The following DNAAF4 variants were observed in gnomAD, a reference collection of about 807,000 sequenced individuals.
The protein encoded by DNAAF4 is dynein axonemal assembly factor 4, also known as dynein assembly factor 4, axonemal.
A neutral mutation model predicts 51.8 loss-of-function variants in DNAAF4; 43 were observed. The observed-to-expected ratio is 0.83, with a 90% CI of 0.65 to 1.07. DNAAF4 has a LOEUF of 1.07. Among genes scored for constraint, DNAAF4 ranks in the 50% least tolerant of loss-of-function variants. DNAAF4 has a pLI of 0.00. For synonymous variants in DNAAF4, 194 were observed against 165.6 expected (o/e 1.17, Z -1.32); for missense variants, 581 against 493.0 (o/e 1.18, Z -1.69).
At chr15:55,446,494 C>CA (rs2057819965) in intron 6 of DNAAF4, among the ~76,000 whole-genome samples, 2 of 128,466 alleles carry the variant, frequency 1.6e-5, no homozygotes, top group African/African-American at 6.0e-5. Context: ...ACATCCTAGA[C>CA]GGGGTGGCCA....
chr15:55,427,420 G>A (rs1484719631), downstream of DNAAF4, among the ~76,000 whole-genome samples: 2 of 152,108 alleles, frequency 1.3e-5, no homozygotes, highest in Non-Finnish European at 1.5e-5. Flanking sequence ...TGGTGAGCCA[G>A]GAGTGGCTCA....
Position 55,448,519 on chromosome 15 carries a change from G to GGTGTGTGT in DNAAF4, c.783+1695_783+1702dup, listed in dbSNP as rs111911388. Among the ~76,000 whole-genome samples the GGTGTGTGT allele has an allele frequency of 4.4e-3, 443 of 99,896 alleles. 4 individuals carry two copies. Among genetic ancestry groups the GGTGTGTGT allele is most frequent in the East Asian group, 0.042 (131 of 3,096 alleles). The allele number at this position is 99,896 out of a possible 152,430, so 65.5% of individuals were successfully genotyped here. A position where few individuals can be genotyped will look rare whatever the true frequency, so the allele number is the denominator to read the frequency against. ...CCAACTCAAAAAAAAAAAAAAAAAG[G>GGTGTGTGT]GTGTGTGTGTGTGTGTGTGTGTGTG... On this transcript the variant is annotated intron_variant, in intron 6 of 9. Coordinates refer to ENST00000321149, the MANE Select transcript of DNAAF4 (RefSeq NM_130810.4).
At chr15:55,506,662 A>G (rs1346069876) in intron 1 of DNAAF4, among the ~76,000 whole-genome samples, 1 of 152,224 alleles carries the variant, frequency 6.6e-6, no homozygotes, top group Non-Finnish European at 1.5e-5. Context: ...AGGTGTTCAT[A>G]GCAACTTCAT....
intron 5 of DNAAF4, among the ~76,000 whole-genome samples, chr15:55,466,512 G>C (rs1408691016): frequency 1.3e-5 from 2 of 152,128 alleles, no homozygotes; most frequent in Non-Finnish European, 2.9e-5. Flanking sequence ...GAGTAAGTCT[G>C]CTTATAGTAC....
intron 6 of DNAAF4, among the ~76,000 whole-genome samples, chr15:55,445,470 CTCTT>C (rs1419499431): frequency 6.6e-6 from 1 of 152,110 alleles, no homozygotes; most frequent in African/African-American, 2.4e-5. Flanking sequence ...AATCTGATCT[CTCTT>C]TCTTTTCCCC....
At chr15:55,491,404 G>T in intron 3 of DNAAF4, 148 bp from the exon 4 acceptor site, 1 of 772,722 alleles carries the variant, frequency 1.3e-6, no homozygotes, top group Non-Finnish European at 2.0e-6. Flanking sequence ...TATTAAACTG[G>T]CCAAGAAGCT....
chr15:55,448,973 T>C (rs976619505), intron 6 of DNAAF4, among the ~76,000 whole-genome samples: 2 of 151,522 alleles, frequency 1.3e-5, no homozygotes, highest in Non-Finnish European at 2.9e-5. Context: ...TTATTTATAT[T>C]GTCATTATGT....
In DNAAF4 at chr15:55,441,953, T is replaced by A. The variant is rs112510585; in HGVS notation, c.784-2372A>T. The stretch of plus-strand genomic sequence containing the variant: ...AAAGCTAGCTTTCTAACTTACTAAC[T>A]TATAATGTATATGCATATGCACATG... On this transcript the variant is annotated intron_variant, in intron 6 of 9. Transcript: ENST00000321149. Among the ~76,000 whole-genome samples, 1,213 of 152,324 alleles carry A rather than the reference T, an allele frequency of 8.0e-3. 18 individuals are homozygous for A. Among genetic ancestry groups the A allele is most frequent in the African/African-American group, 0.028 (1,169 of 41,572 alleles).
At chr15:55,434,773 T>A in intron 8 of DNAAF4, 132 bp downstream of exon 8, 1 of 862,738 alleles carries the variant, frequency 1.2e-6, no homozygotes. Context: ...AAAAAAAAGA[T>A]TCAATAAGAA....
chr15:55,454,622 C>T (rs2057989955), intron 5 of DNAAF4, among the ~76,000 whole-genome samples: 1 of 152,056 alleles, frequency 6.6e-6, no homozygotes, highest in African/African-American at 2.4e-5. Flanking sequence ...AAGTAATTCG[C>T]CCAACTCAGC....
At chr15:55,497,989 A>G in intron 2 of DNAAF4, 130 bp from the exon 3 acceptor site, 1 of 1,347,456 alleles carries the variant, frequency 7.4e-7, no homozygotes, top group Non-Finnish European at 1.0e-6. Flanking sequence ...GTGAAAGATT[A>G]GCAAGGCATA....
At chr15:55,497,571 G>C (rs951956730) in intron 3 of DNAAF4, 141 bp downstream of exon 3, 3 of 946,658 alleles carry the variant, frequency 3.2e-6, no homozygotes, top group Non-Finnish European at 4.4e-6. Flanking sequence ...CTGCACTCCA[G>C]CCTGGGCGAC....
chr15:55,485,452 T>C (rs138926524), intron 4 of DNAAF4, among the ~76,000 whole-genome samples: 6 of 152,296 alleles, frequency 3.9e-5, no homozygotes, highest in East Asian at 3.9e-4. Context: ...TGGCATTAAA[T>C]AGACAACTAG....
intron 5 of DNAAF4, among the ~76,000 whole-genome samples, chr15:55,453,663 G>A (rs1435175926): frequency 1.4e-5 from 2 of 146,900 alleles, no homozygotes; most frequent in Non-Finnish European, 3.0e-5. Flanking sequence ...CCATTCTCCT[G>A]CCTCAGCCTC....
chr15:55,469,326 T>A (rs1464576534), intron 4 of DNAAF4, among the ~76,000 whole-genome samples: 1 of 148,858 alleles, frequency 6.7e-6, no homozygotes, highest in Non-Finnish European at 1.5e-5. Context: ...GCGAGGCTCC[T>A]CTCAAAAAAA....
chr15:55,455,387 A>AATATATATATATAT (rs10688653), intron 5 of DNAAF4, among the ~76,000 whole-genome samples: 2,466 of 127,056 alleles, frequency 0.019, 29 homozygotes, highest in South Asian at 0.036. Flanking sequence ...TAGCAAATTG[A>AATATATATATATAT]ATATATATAT....
At chr15:55,457,735 C>T (rs2058040770) in intron 5 of DNAAF4, among the ~76,000 whole-genome samples, 1 of 152,186 alleles carries the variant, frequency 6.6e-6, no homozygotes, top group Admixed American at 6.6e-5. Context: ...AACTTCACTG[C>T]TTACATAACC....
chr15:55,443,011 A>G, intron 6 of DNAAF4: 1 of 1,611,492 alleles, frequency 6.2e-7, no homozygotes, highest in South Asian at 1.1e-5. Context: ...GCCATCATCA[A>G]AGCTTCTGGT....
intron 7 of DNAAF4, among the ~76,000 whole-genome samples, chr15:55,436,008 G>T (rs1005058751): frequency 6.6e-6 from 1 of 152,070 alleles, no homozygotes; most frequent in African/African-American, 2.4e-5. Flanking sequence ...GACTGGTCTC[G>T]AACTCCCGAT....
Sources: gnomAD v4.1 joint callset for allele counts (sites outside exome capture counted in the v4.1 genomes callset) on GRCh38, gnomAD v4.1.1 for gene constraint, MANE v1.5 for transcripts, NCBI Gene and HGNC (gene_info 2026-07-23, HGNC 2026-07-21) for gene names.